PCDHGA10: variants seen among roughly 807,000 people sequenced by gnomAD.
PCDHGA10 encodes protocadherin gamma-A10.
Under a neutral mutation model 59.5 loss-of-function variants are expected in PCDHGA10, and 42 were observed. The ratio of observed to expected loss-of-function variants is 0.71; its 90% CI spans 0.55 to 0.91. The LOEUF (loss-of-function observed/expected upper bound fraction) is 0.91, where lower values mean the gene tolerates loss of function less well. PCDHGA10 is among the 40% of genes least tolerant of loss of function. PCDHGA10 has a pLI of 0.00. For missense variants in PCDHGA10, 1,111 were observed against 1,198.2 expected (o/e 0.93, Z 1.07); for synonymous variants, 511 against 517.2 (o/e 0.99, Z 0.16).
chr5:141,503,924 G>C (rs1282755998), intron 2 of PCDHGA10, among the ~76,000 whole-genome samples: 1 of 152,146 alleles, frequency 6.6e-6, no homozygotes, highest in Non-Finnish European at 1.5e-5. Flanking sequence ...CACACACACA[G>C]ACATTTTCAT....
chr5:141,433,106 G>C, intron 1 of PCDHGA10: 1 of 1,614,170 alleles, frequency 6.2e-7, no homozygotes, highest in Non-Finnish European at 8.5e-7. Flanking sequence ...CGTCAGCCAG[G>C]AGAGCTTTGA....
In PCDHGA10 at chr5:141,487,237, T is replaced by A. The variant is rs1327004790; in HGVS notation, c.2437-7570T>A. 1.2e-6 allele frequency: 2 copies of A among 1,614,122 alleles called. No individual in the cohort carries two copies. The highest frequency in any genetic ancestry group is 1.7e-6 in the Non-Finnish European group (2 of 1,179,980). On this transcript the variant is annotated intron_variant, in intron 1 of 3. Coordinates refer to ENST00000398610, the MANE Select transcript of PCDHGA10 (RefSeq NM_018913.3). This position sits in a 1 kb window ranked among gnomAD's most constrained non-coding sequence, Gnocchi z 5.0. ...CAGCTCCAAGGGAAGGAGAATCTCGTCTAACCCTCTACTTGGCTGTGTCCC... is the reference window on the plus strand; with the variant it reads ...CAGCTCCAAGGGAAGGAGAATCTCGACTAACCCTCTACTTGGCTGTGTCCC...
intron 1 of PCDHGA10, chr5:141,422,844 G>A: frequency 6.2e-7 from 1 of 1,614,238 alleles, no homozygotes; most frequent in Non-Finnish European, 8.5e-7. Context: ...GTGACAGCGG[G>A]GACCCGCCCC....
intron 2 of PCDHGA10, among the ~76,000 whole-genome samples, chr5:141,502,239 A>G (rs2099813426): frequency 6.6e-6 from 1 of 152,148 alleles, no homozygotes; most frequent in Admixed American, 6.5e-5. Flanking sequence ...GTGTTCTTTT[A>G]TCCTTTTTTT....
chr5:141,487,041 G>C lies in PCDHGA10; in HGVS notation c.2437-7766G>C, dbSNP rs149314216. On this transcript the variant is annotated intron_variant, in intron 1 of 3. Coordinates refer to ENST00000398610, the MANE Select transcript of PCDHGA10 (RefSeq NM_018913.3). The surrounding 1 kb of genome is among the most constrained non-coding windows in gnomAD (Gnocchi z 5.0). ...GATCCCAGCCTGTTTGCAGTCTCTC[G>C]ATATGCTGGGGAGGTGCGGACGGCT... 2.5e-6 allele frequency: 4 copies of C among 1,614,018 alleles called. No homozygotes were observed. Among genetic ancestry groups the C allele is most frequent in the South Asian group, 2.2e-5 (2 of 91,084 alleles).
intron 1 of PCDHGA10, among the ~76,000 whole-genome samples, chr5:141,447,321 G>C (rs148203274): frequency 3.9e-5 from 6 of 152,068 alleles, no homozygotes; most frequent in Admixed American, 6.5e-5. Flanking sequence ...TGTATTTTTA[G>C]TAGAGACGGG....
At chr5:141,426,539 T>C in intron 1 of PCDHGA10, 2 of 347,388 alleles carry the variant, frequency 5.8e-6, no homozygotes, top group South Asian at 4.4e-5. Flanking sequence ...GGGAACATAC[T>C]TGTGAGTGAC....
chr5:141,506,740 T>C (rs1006665092), intron 3 of PCDHGA10, among the ~76,000 whole-genome samples: 2 of 152,104 alleles, frequency 1.3e-5, no homozygotes, highest in African/African-American at 2.4e-5. Context: ...ATAATGCCTA[T>C]TAATAAAGAC....
chr5:141,466,014 C>T (rs962233749), intron 1 of PCDHGA10, among the ~76,000 whole-genome samples: 75 of 151,848 alleles, frequency 4.9e-4, no homozygotes, highest in African/African-American at 1.2e-3. Flanking sequence ...CCCAGCTACT[C>T]GGGAGGGTGA....
Position 141,486,589 on chromosome 5 carries a change from C to T in PCDHGA10, c.2437-8218C>T. On this transcript the variant is annotated intron_variant, in intron 1 of 3. Transcript: ENST00000398610. The surrounding 1 kb of genome is among the most constrained non-coding windows in gnomAD (Gnocchi z 5.0). ...TTCCTGAGAACAATCGCCCAGGGGA[C>T]CTGCTTTGCTCCCTTGCAGCCTCTG... 1 of 1,613,676 alleles carries T rather than the reference C, an allele frequency of 6.2e-7. No individual in the cohort carries two copies. Among genetic ancestry groups the T allele is most frequent in the African/African-American group, 1.3e-5 (1 of 75,064 alleles).
chr5:141,422,686 C>T, intron 1 of PCDHGA10: 1 of 1,605,000 alleles, frequency 6.2e-7, no homozygotes, highest in East Asian at 2.2e-5. Flanking sequence ...ACAGAATGCC[C>T]TGGTCACTTA....
Position 141,438,619 on chromosome 5 carries a change from T to C in PCDHGA10, c.2436+23008T>C, listed in dbSNP as rs1053855444. Reference sequence around the variant, plus strand: ...ATATATATATATATATATATATATATATATATATATATATATACACACACA... The same window carrying C: ...ATATATATATATATATATATATATACATATATATATATATATACACACACA... On this transcript the variant is annotated intron_variant, in intron 1 of 3. Transcript: ENST00000398610. 1.0e-4 allele frequency among the ~76,000 whole-genome samples: 4 copies of C among 39,678 alleles called. No homozygotes were observed. The East Asian group carries it at 2.5e-3, about 25-fold the overall frequency. The allele number at this position is 39,678 out of a possible 152,430, so 26.0% of individuals were successfully genotyped here.
At chr5:141,428,004 G>C in intron 1 of PCDHGA10, 1 of 1,601,732 alleles carries the variant, frequency 6.2e-7, no homozygotes, top group East Asian at 2.2e-5. Context: ...CGCACTCTTC[G>C]ATATAGTGCC....
At chr5:141,478,576 G>A (rs543160289) in intron 1 of PCDHGA10, 1 of 1,585,480 alleles carries the variant, frequency 6.3e-7, no homozygotes, top group Non-Finnish European at 8.6e-7. Flanking sequence ...GCTTGACCCT[G>A]TTAGTGCTTT....
intron 1 of PCDHGA10, chr5:141,417,116 C>A (rs1407873769): frequency 6.6e-6 from 1 of 151,954 alleles, no homozygotes; most frequent in Non-Finnish European, 1.5e-5. Context: ...ATACAGGACA[C>A]CCTGGATGAT....
At chr5:141,492,240 C>T (rs1031016944) in intron 1 of PCDHGA10, among the ~76,000 whole-genome samples, 1 of 152,242 alleles carries the variant, frequency 6.6e-6, no homozygotes, top group African/African-American at 2.4e-5. Flanking sequence ...CTGCTGGCCA[C>T]CCCCACGGCC....
At chr5:141,430,837 CG>C in intron 1 of PCDHGA10, 1 of 1,560,074 alleles carries the variant, frequency 6.4e-7, no homozygotes, top group African/African-American at 1.4e-5. Flanking sequence ...TGTGGGAGAC[CG>C]GATGCACCCA....
chr5:141,457,708 T>C (rs1160977721), intron 1 of PCDHGA10, among the ~76,000 whole-genome samples: 1 of 152,260 alleles, frequency 6.6e-6, no homozygotes, highest in Admixed American at 6.5e-5. Context: ...GATGAAACAC[T>C]GTTCCACAAG....
At position 141,477,118 on chromosome 5, in the gene PCDHGA10, A is replaced by T. The variant is rs2099405787; in HGVS notation, c.2437-17689A>T. The T allele has an allele frequency of 6.2e-7, 1 of 1,614,228 alleles. No homozygotes were observed. Among genetic ancestry groups the T allele is most frequent in the Non-Finnish European group, 8.5e-7 (1 of 1,180,034 alleles). On this transcript the variant is annotated intron_variant, in intron 1 of 3. Coordinates refer to ENST00000398610, the MANE Select transcript of PCDHGA10 (RefSeq NM_018913.3). This position sits in a 1 kb window ranked among gnomAD's most constrained non-coding sequence, Gnocchi z 4.9. ...ACAAGGGCGCCAATCCCGAAGGAGC[A>T]CATTGCAAAGTGTTGGTGGAGGTTG...
Sources: gnomAD v4.1 joint callset for allele counts (sites outside exome capture counted in the v4.1 genomes callset) on GRCh38, gnomAD v4.1.1 for gene constraint, Gnocchi (gnomAD v3.1) non-coding constraint, MANE v1.5 for transcripts, NCBI Gene and HGNC (gene_info 2026-07-23, HGNC 2026-07-21) for gene names.